AMBRA1: variants seen among roughly 807,000 people sequenced by gnomAD.
The protein encoded by AMBRA1 is activating molecule in BECN1-regulated autophagy protein 1.
AMBRA1 carries 47 observed loss-of-function variants against 125.4 expected under a neutral mutation model. That is an observed-to-expected ratio of 0.37 (90% confidence interval 0.30 to 0.48). AMBRA1 has a LOEUF of 0.48. Among genes scored for constraint, AMBRA1 ranks in the 20% least tolerant of loss-of-function variants. The pLI is 0.99. For missense variants in AMBRA1, 1,331 were observed against 1,693.4 expected, an observed-to-expected ratio of 0.79 and a Z score of 3.76; for synonymous variants, 626 against 655.5, an observed-to-expected ratio of 0.95 and a Z score of 0.69.
intron 7 of AMBRA1, among the ~76,000 whole-genome samples, chr11:46,526,232 TAAATA>T (rs540431998): frequency 1.3e-5 from 2 of 151,616 alleles, no homozygotes; most frequent in Admixed American, 6.6e-5. Context: ...ACAATAATAA[TAAATA>T]AAATAAAATA....
In AMBRA1 at chr11:46,548,493, A is replaced by C. The variant is rs1350127105; in HGVS notation, c.-113T>G. 1 of 1,336,556 alleles carries C rather than the reference A, an allele frequency of 7.5e-7. No individual in the cohort carries two copies. The highest frequency in any genetic ancestry group is 1.0e-6 in the Non-Finnish European group (1 of 989,694). The allele number at this position is 1,336,556 out of a possible 1,614,324, so 82.8% of individuals were successfully genotyped here. ...ATACAGGTCCTTGTAAGTTGTCCTC[A>C]TGGAAATCTTAAGGAACAAAGAATA... On this transcript the variant is annotated 5_prime_UTR_variant, in exon 2 of 18. An upstream start codon of the reference 5' UTR is lost. Coordinates refer to ENST00000683756, the MANE Select transcript of AMBRA1 (RefSeq NM_001387011.1).
intron 2 of AMBRA1, 28 bp from the exon 3 acceptor site, chr11:46,547,903 A>C (rs768272763): frequency 3.8e-6 from 6 of 1,577,806 alleles, no homozygotes; most frequent in Non-Finnish European, 5.2e-6. Context: ...AAAAAAAGTT[A>C]AAATACATGA....
intron 7 of AMBRA1, among the ~76,000 whole-genome samples, chr11:46,541,274 C>T (rs569727742): frequency 6.6e-6 from 1 of 152,284 alleles, no homozygotes; most frequent in South Asian, 2.1e-4. Context: ...GAGAGTCTTT[C>T]CTTCCATGAA....
chr11:46,517,470 GTTTTTTTTTTT>G (rs768814141), intron 7 of AMBRA1, among the ~76,000 whole-genome samples: 7 of 96,156 alleles, frequency 7.3e-5, no homozygotes, highest in African/African-American at 3.2e-4. Context: ...TATTAATAAG[GTTTTTTTTTTT>G]TTTTTTTTTT....
chr11:46,435,065 A>G (rs755054005), intron 12 of AMBRA1, 28 bp from the exon 13 acceptor site: 2 of 1,560,660 alleles, frequency 1.3e-6, no homozygotes, highest in Admixed American at 2.0e-5. Flanking sequence ...AGAAAAGAGG[A>G]TAAGAAACTT....
intron 11 of AMBRA1, among the ~76,000 whole-genome samples, chr11:46,462,381 C>A (rs1159962460): frequency 6.6e-6 from 1 of 152,154 alleles, no homozygotes; most frequent in Non-Finnish European, 1.5e-5. Flanking sequence ...CCATACAAAA[C>A]CATCTATCTT....
At chr11:46,411,241 G>C (rs1946281960) in intron 15 of AMBRA1, among the ~76,000 whole-genome samples, 1 of 151,966 alleles carries the variant, frequency 6.6e-6, no homozygotes, top group South Asian at 2.1e-4. Flanking sequence ...TAGAGGCCTA[G>C]GTCACCCTCC....
chr11:46,574,325 C>T (rs1454451295), intron 1 of AMBRA1, among the ~76,000 whole-genome samples: 4 of 147,104 alleles, frequency 2.7e-5, no homozygotes, highest in Admixed American at 6.8e-5. Flanking sequence ...TCTCCAGCAC[C>T]TGTTGTTTCC....
At chr11:46,400,059 G>A (rs1199205947) in intron 17 of AMBRA1, among the ~76,000 whole-genome samples, 1 of 152,120 alleles carries the variant, frequency 6.6e-6, no homozygotes, top group Non-Finnish European at 1.5e-5. Context: ...TTAACTTGGG[G>A]TCTGCAGCAG....
At chr11:46,586,045 C>A (rs1015475610) in intron 1 of AMBRA1, among the ~76,000 whole-genome samples, 1 of 151,954 alleles carries the variant, frequency 6.6e-6, no homozygotes, top group Non-Finnish European at 1.5e-5. Context: ...CTCAGGTGAT[C>A]CACCCGCCTC....
At chr11:46,488,464 A>AC (rs1950339542) in intron 11 of AMBRA1, among the ~76,000 whole-genome samples, 1 of 152,054 alleles carries the variant, frequency 6.6e-6, no homozygotes, top group East Asian at 1.9e-4. Context: ...AACAAAACAA[A>AC]AAAAAAAACT....
intron 7 of AMBRA1, among the ~76,000 whole-genome samples, chr11:46,516,588 G>T (rs574153846): frequency 6.6e-6 from 1 of 151,962 alleles, no homozygotes; most frequent in East Asian, 1.9e-4. Flanking sequence ...CTGCCACCAT[G>T]CCTGGCTAAT....
chr11:46,443,863 G>T (rs1157210963), intron 11 of AMBRA1, among the ~76,000 whole-genome samples: 1 of 152,158 alleles, frequency 6.6e-6, no homozygotes, highest in Non-Finnish European at 1.5e-5. Context: ...TGCCAACAAC[G>T]TGGCAGGTAC....
chr11:46,474,729 G>C (rs1053122835), intron 11 of AMBRA1, among the ~76,000 whole-genome samples: 1 of 152,132 alleles, frequency 6.6e-6, no homozygotes, highest in Non-Finnish European at 1.5e-5. Context: ...CTGTCTGTTG[G>C]ACAGAGGGGG....
chr11:46,558,347 G>A (rs985873906), intron 1 of AMBRA1, among the ~76,000 whole-genome samples: 6 of 151,968 alleles, frequency 3.9e-5, no homozygotes, highest in East Asian at 1.9e-4. Flanking sequence ...TCAGGAGTGC[G>A]AGACCAGCCT....
At chr11:46,541,685 C>T (rs1350214337) in intron 7 of AMBRA1, among the ~76,000 whole-genome samples, 2 of 152,214 alleles carry the variant, frequency 1.3e-5, no homozygotes, top group Non-Finnish European at 2.9e-5. Context: ...CTAACCTAAT[C>T]TACACTCTCC....
intron 14 of AMBRA1, chr11:46,428,511 G>A (rs1286505697): frequency 1.3e-6 from 1 of 761,324 alleles, no homozygotes. Flanking sequence ...ACTACGCCTG[G>A]TGAGATTCAA....
intron 14 of AMBRA1, among the ~76,000 whole-genome samples, chr11:46,432,527 G>GT (rs1046966093): frequency 2.0e-5 from 3 of 152,094 alleles, no homozygotes; most frequent in African/African-American, 7.2e-5. Flanking sequence ...GCTATCTCTA[G>GT]TTTTTTTATT....
intron 14 of AMBRA1, among the ~76,000 whole-genome samples, chr11:46,419,175 G>C (rs747866933): frequency 6.6e-6 from 1 of 152,168 alleles, no homozygotes; most frequent in Admixed American, 6.5e-5. Context: ...CCGTTAAATT[G>C]ATTGTTTCTC....
Sources: allele counts gnomAD v4.1 joint callset (sites outside exome capture counted in the v4.1 genomes callset), GRCh38; gene constraint gnomAD v4.1.1; transcripts MANE v1.5; gene names NCBI Gene and HGNC (gene_info 2026-07-23, HGNC 2026-07-21).